The following CNTNAP2 variants were observed in gnomAD, a reference collection of about 807,000 sequenced individuals.
The protein encoded by CNTNAP2 is contactin-associated protein-like 2.
A neutral mutation model predicts 155.2 loss-of-function variants in CNTNAP2; 98 were observed. The observed-to-expected ratio is 0.63, with a 90% CI of 0.54 to 0.75. CNTNAP2 has a LOEUF of 0.75. CNTNAP2 is among the 30% of genes least tolerant of loss of function. CNTNAP2 has a pLI of 0.00. For missense variants in CNTNAP2, 1,727 were observed against 1,688.1 expected, an observed-to-expected ratio of 1.02 and a Z score of -0.40; for synonymous variants, 651 against 631.2, an observed-to-expected ratio of 1.03 and a Z score of -0.47.
At chr7:146,637,264 G>A (rs1010392171) in intron 1 of CNTNAP2, among the ~76,000 whole-genome samples, 8 of 152,088 alleles carry the variant, frequency 5.3e-5, no homozygotes, top group African/African-American at 1.9e-4. Flanking sequence ...CAAAGGCATA[G>A]TTTTTAATTT....
intron 4 of CNTNAP2, among the ~76,000 whole-genome samples, chr7:147,101,346 C>G (rs889931381): frequency 6.6e-6 from 1 of 152,168 alleles, no homozygotes; most frequent in East Asian, 1.9e-4. Flanking sequence ...GGGTGTGGCT[C>G]CATTTCTCGC....
At chr7:147,326,442 T>C (rs1795460074) in intron 9 of CNTNAP2, among the ~76,000 whole-genome samples, 1 of 152,258 alleles carries the variant, frequency 6.6e-6, no homozygotes, top group Admixed American at 6.5e-5. Flanking sequence ...CATTCATGCA[T>C]CAATGAACAT....
chr7:148,229,796 A>C lies in CNTNAP2; in HGVS notation c.3381+17A>C, dbSNP rs3779032. ...TTTCTCAAGGTATACATACATGTAC[A>C]TATAAATTACATATAATATCGCATT... On this transcript the variant is annotated intron_variant, in intron 20 of 23. Transcript: ENST00000361727. 0.41 allele frequency: 667,117 copies of C among 1,612,986 alleles called. 141,220 individuals are homozygous for C. Among genetic ancestry groups the C allele is most frequent in the Non-Finnish European group, 0.44 (515,971 of 1,179,366 alleles).
At chr7:147,471,829 A>T (rs952061496) in intron 10 of CNTNAP2, among the ~76,000 whole-genome samples, 1 of 152,246 alleles carries the variant, frequency 6.6e-6, no homozygotes, top group African/African-American at 2.4e-5. Context: ...GTATAGAACT[A>T]AAAAGTTTGA....
At chr7:147,671,072 T>A (rs147518908) in intron 13 of CNTNAP2, among the ~76,000 whole-genome samples, 2,106 of 152,318 alleles carry the variant, frequency 0.014, 31 homozygotes, top group African/African-American at 0.034. Context: ...CTTACCCGTG[T>A]GCTCCTTCCC....
intron 1 of CNTNAP2, among the ~76,000 whole-genome samples, chr7:146,747,355 G>T (rs963293414): frequency 5.9e-5 from 9 of 152,130 alleles, no homozygotes; most frequent in Non-Finnish European, 1.3e-4. Context: ...TTCTTACCTG[G>T]AACAGCAGTG....
intron 13 of CNTNAP2, among the ~76,000 whole-genome samples, chr7:147,732,819 G>T (rs1453410743): frequency 1.3e-5 from 2 of 152,188 alleles, no homozygotes; most frequent in African/African-American, 4.8e-5. Context: ...CATCTTGGCT[G>T]CATAAATGTC....
intron 3 of CNTNAP2, among the ~76,000 whole-genome samples, chr7:146,987,763 TG>T (rs1798139744): frequency 1.3e-5 from 2 of 152,140 alleles, no homozygotes; most frequent in Admixed American, 6.5e-5. Flanking sequence ...CAGGGACAAG[TG>T]GAAAGTTACT....
chr7:147,910,950 T>G (rs182879048), intron 14 of CNTNAP2, among the ~76,000 whole-genome samples: 22 of 152,342 alleles, frequency 1.4e-4, no homozygotes, highest in Non-Finnish European at 1.5e-4. Context: ...CCAATTTTTA[T>G]TATGGTAAAT....
At chr7:147,995,793 A>C (rs774423558) in intron 15 of CNTNAP2, among the ~76,000 whole-genome samples, 1 of 152,140 alleles carries the variant, frequency 6.6e-6, no homozygotes, top group African/African-American at 2.4e-5. Flanking sequence ...GATTACAGGC[A>C]TGAGCCACTG....
At chr7:146,987,899 T>C (rs975799337) in intron 3 of CNTNAP2, among the ~76,000 whole-genome samples, 1 of 152,098 alleles carries the variant, frequency 6.6e-6, no homozygotes, top group Non-Finnish European at 1.5e-5. Context: ...TGAGTGACTG[T>C]AAAAATGAAA....
chr7:147,193,786 C>G (rs1389640954), intron 8 of CNTNAP2, among the ~76,000 whole-genome samples: 2 of 152,038 alleles, frequency 1.3e-5, no homozygotes, highest in Non-Finnish European at 2.9e-5. Context: ...GGTAAGATTA[C>G]AAAAACTTCC....
At chr7:146,765,141 A>C (rs1232078049) in intron 1 of CNTNAP2, among the ~76,000 whole-genome samples, 1 of 152,208 alleles carries the variant, frequency 6.6e-6, no homozygotes, top group African/African-American at 2.4e-5. Context: ...GCTAACTGAC[A>C]GTAGTCAATA....
intron 8 of CNTNAP2, among the ~76,000 whole-genome samples, chr7:147,168,112 A>T (rs1802155053): frequency 6.7e-6 from 1 of 149,020 alleles, no homozygotes; most frequent in Admixed American, 6.7e-5. Context: ...AAATATATCT[A>T]TGACATTAGA....
chr7:146,491,094 C>CA (rs964586859), intron 1 of CNTNAP2, among the ~76,000 whole-genome samples: 9 of 150,920 alleles, frequency 6.0e-5, no homozygotes, highest in South Asian at 4.2e-4. Flanking sequence ...AAAGCCCCCC[C>CA]AAAAAAAACA....
intron 10 of CNTNAP2, among the ~76,000 whole-genome samples, chr7:147,480,094 A>G (rs1003810296): frequency 1.3e-5 from 2 of 152,208 alleles, no homozygotes; most frequent in Non-Finnish European, 2.9e-5. Context: ...AAATACTATG[A>G]TTATGGAAAC....
At chr7:146,708,428 G>A (rs960321930) in intron 1 of CNTNAP2, among the ~76,000 whole-genome samples, 4 of 151,704 alleles carry the variant, frequency 2.6e-5, no homozygotes, top group African/African-American at 7.3e-5. Flanking sequence ...TTTTGCTGAA[G>A]CTTAAATGCT....
intron 9 of CNTNAP2, among the ~76,000 whole-genome samples, chr7:147,346,102 T>C (rs978229224): frequency 2.6e-5 from 4 of 152,094 alleles, no homozygotes; most frequent in African/African-American, 2.4e-5. Context: ...TCCAGACTTA[T>C]TTTTGGCTGT....
intron 13 of CNTNAP2, among the ~76,000 whole-genome samples, chr7:147,819,997 A>G (rs935795726): frequency 6.6e-6 from 1 of 152,052 alleles, no homozygotes; most frequent in African/African-American, 2.4e-5. Flanking sequence ...TTATAGATCT[A>G]TTTTTTTAAA....
Sources: gnomAD v4.1 joint callset for allele counts (sites outside exome capture counted in the v4.1 genomes callset) on GRCh38, gnomAD v4.1.1 for gene constraint, MANE v1.5 for transcripts, NCBI Gene and HGNC (gene_info 2026-07-23, HGNC 2026-07-21) for gene names.